The following NFIA variants were observed in gnomAD, a reference collection of about 807,000 sequenced individuals.
NFIA encodes nuclear factor I A.
Under a neutral mutation model 62.8 loss-of-function variants are expected in NFIA, and 8 were observed. That is an observed-to-expected ratio of 0.13 (90% CI 0.07 to 0.23). The LOEUF (loss-of-function observed/expected upper bound fraction) is 0.23, where lower values mean the gene tolerates loss of function less well. NFIA is among the 10% of genes least tolerant of loss of function. NFIA has a pLI of 1.00. For synonymous variants in NFIA, 235 were observed against 238.1 expected (o/e 0.99, Z 0.12); for missense variants, 410 against 642.1 (o/e 0.64, Z 3.91).
intron 9 of NFIA, among the ~76,000 whole-genome samples, chr1:61,422,100 A>G (rs895781132): frequency 3.9e-5 from 6 of 152,012 alleles, no homozygotes; most frequent in African/African-American, 1.4e-4. Context: ...CATCTCCACA[A>G]ATAATTTTAA....
At chr1:61,107,172 T>C (rs541503074) in intron 2 of NFIA, among the ~76,000 whole-genome samples, 83 of 151,774 alleles carry the variant, frequency 5.5e-4, no homozygotes, top group African/African-American at 2.0e-3. Flanking sequence ...CTTTATGGTA[T>C]GTGCCTAGGA....
chr1:61,430,999 C>T (rs1667077427), intron 10 of NFIA, among the ~76,000 whole-genome samples: 1 of 152,124 alleles, frequency 6.6e-6, no homozygotes, highest in Non-Finnish European at 1.5e-5. Flanking sequence ...TATTTTTCAA[C>T]GTTGTCCCGT....
At chr1:61,176,131 C>A (rs560687333) in intron 2 of NFIA, among the ~76,000 whole-genome samples, 61 of 152,250 alleles carry the variant, frequency 4.0e-4, no homozygotes, top group Admixed American at 1.2e-3. Flanking sequence ...TAGTTCTGCC[C>A]AGGCCGAAGA....
At chr1:61,224,177 A>G (rs999221996) in intron 2 of NFIA, among the ~76,000 whole-genome samples, 1 of 152,070 alleles carries the variant, frequency 6.6e-6, no homozygotes, top group East Asian at 1.9e-4. Flanking sequence ...AAATATATTT[A>G]AAATTAGTTT....
In NFIA at chr1:61,355,569, C is replaced by T. The variant is rs972194559; in HGVS notation, c.818+3002C>T. 2.0e-5 allele frequency among the ~76,000 whole-genome samples: 3 copies of T among 150,236 alleles called. No individual in the cohort carries two copies. The East Asian group carries it at 5.8e-4, about 29-fold the overall frequency. ...TCCTGATCTTTTTATCTTTTCCATGCTCCCTCCAGATGTTAATTTTTTTTT... is the reference window on the plus strand; with the variant it reads ...TCCTGATCTTTTTATCTTTTCCATGTTCCCTCCAGATGTTAATTTTTTTTT... On this transcript the variant is annotated intron_variant, in intron 5 of 10. Transcript: ENST00000403491.
At chr1:61,236,554 C>T (rs1655027167) in intron 2 of NFIA, among the ~76,000 whole-genome samples, 2 of 152,072 alleles carry the variant, frequency 1.3e-5, no homozygotes, top group African/African-American at 4.8e-5. Flanking sequence ...GGCTAACAAA[C>T]ACCTTCCAAG....
chr1:61,314,678 AG>A (rs1660279149), intron 3 of NFIA, among the ~76,000 whole-genome samples: 1 of 152,136 alleles, frequency 6.6e-6, no homozygotes, highest in Non-Finnish European at 1.5e-5. Context: ...TCCTATCCAT[AG>A]GGTTATCCTT....
At chr1:61,204,393 A>C (rs1170481072) in intron 2 of NFIA, among the ~76,000 whole-genome samples, 1 of 152,242 alleles carries the variant, frequency 6.6e-6, no homozygotes, top group African/African-American at 2.4e-5. Context: ...TATCTCATCC[A>C]TGCATCTATT....
intron 2 of NFIA, among the ~76,000 whole-genome samples, chr1:61,113,945 A>G (rs1422387220): frequency 6.6e-6 from 1 of 152,192 alleles, no homozygotes; most frequent in Non-Finnish European, 1.5e-5. Flanking sequence ...GGGATATGAC[A>G]TGCTTCAAGA....
intron 6 of NFIA, among the ~76,000 whole-genome samples, chr1:61,373,121 T>C (rs1314586251): frequency 1.3e-5 from 2 of 152,170 alleles, no homozygotes; most frequent in Non-Finnish European, 2.9e-5. Context: ...AGCTTCCCAC[T>C]TTCTCTGTGA....
At chr1:61,251,390 T>C (rs1326458502) in intron 2 of NFIA, 2 of 152,334 alleles carry the variant, frequency 1.3e-5, no homozygotes, top group Non-Finnish European at 1.5e-5. Flanking sequence ...GATGGTAATG[T>C]TTACTTTGCA....
chr1:61,456,391 AAAAC>A lies in NFIA; in HGVS notation c.*1075_*1078del, dbSNP rs1455931026. 2.0e-5 allele frequency: 3 copies of A among 152,370 alleles called. No homozygotes were observed. The highest frequency in any genetic ancestry group is 2.4e-5 in the African/African-American group (1 of 41,402). 9.4% of individuals were successfully genotyped at this position (152,370 alleles called of 1,614,324 possible). A position where few individuals can be genotyped will look rare whatever the true frequency, so the allele number is the denominator to read the frequency against. On this transcript the variant is annotated 3_prime_UTR_variant, in exon 11 of 11. Transcript: ENST00000403491. ...AAGGAAATTAAAAAAAAAAAACAAA[AAAAC>A]AAATCTAATGGTGCTTTTACCACAA...
chr1:61,243,455 A>T (rs1655461856), intron 2 of NFIA, among the ~76,000 whole-genome samples: 1 of 152,206 alleles, frequency 6.6e-6, no homozygotes, highest in African/African-American at 2.4e-5. Context: ...TAAATTAGAA[A>T]ACCAAGAGTC....
At chr1:61,387,979 TC>T (rs1470880848) in intron 7 of NFIA, among the ~76,000 whole-genome samples, 1 of 152,216 alleles carries the variant, frequency 6.6e-6, no homozygotes, top group Non-Finnish European at 1.5e-5. Flanking sequence ...TTTATGTTGT[TC>T]TAACCACTTC....
chr1:61,382,661 C>T (rs1186970015), intron 6 of NFIA, among the ~76,000 whole-genome samples: 1 of 152,092 alleles, frequency 6.6e-6, no homozygotes, highest in East Asian at 1.9e-4. Flanking sequence ...ATTGGTTATA[C>T]CATACTTATT....
intron 6 of NFIA, among the ~76,000 whole-genome samples, chr1:61,362,021 G>C (rs973393157): frequency 6.6e-6 from 1 of 152,114 alleles, no homozygotes; most frequent in Non-Finnish European, 1.5e-5. Flanking sequence ...AACAAGGCCT[G>C]AGGGGACATT....
chr1:61,278,737 G>A (rs1482400515), intron 3 of NFIA, among the ~76,000 whole-genome samples: 1 of 152,160 alleles, frequency 6.6e-6, no homozygotes, highest in Non-Finnish European at 1.5e-5. Context: ...GTTGCAGTGA[G>A]CTGAGATTGC....
chr1:61,090,132 C>T (rs1037391441), intron 2 of NFIA, among the ~76,000 whole-genome samples: 6 of 152,168 alleles, frequency 3.9e-5, no homozygotes, highest in African/African-American at 1.4e-4. Flanking sequence ...CCACTCTTAA[C>T]CCTGTTGTTG....
At chr1:61,154,405 C>T (rs1053092859) in intron 2 of NFIA, among the ~76,000 whole-genome samples, 25 of 152,302 alleles carry the variant, frequency 1.6e-4, no homozygotes, top group African/African-American at 5.5e-4. Flanking sequence ...ATCCGCCCGC[C>T]TTGGCCTCCC....
Sources: allele counts gnomAD v4.1 joint callset (sites outside exome capture counted in the v4.1 genomes callset), GRCh38; gene constraint gnomAD v4.1.1; transcripts MANE v1.5; gene names NCBI Gene and HGNC (gene_info 2026-07-23, HGNC 2026-07-21).